Variants in COL11A1 observed in about 807,000 individuals in gnomAD.
The protein encoded by COL11A1 is collagen type XI alpha 1 chain.
Under a neutral mutation model 265.2 loss-of-function variants are expected in COL11A1, and 74 were observed. The ratio of observed to expected loss-of-function variants is 0.28; its 90% CI spans 0.23 to 0.34. The LOEUF (loss-of-function observed/expected upper bound fraction) is 0.34. Among genes scored for constraint, COL11A1 ranks in the 10% least tolerant of loss-of-function variants. COL11A1 has a pLI of 1.00. For missense variants in COL11A1, 2,165 were observed against 2,263.6 expected (o/e 0.96, Z 0.88); for synonymous variants, 816 against 727.6 (o/e 1.12, Z -1.96).
intron 1 of COL11A1, among the ~76,000 whole-genome samples, chr1:103,083,207 C>T (rs569984314): frequency 6.7e-6 from 1 of 148,466 alleles, no homozygotes; most frequent in South Asian, 2.1e-4. Flanking sequence ...TATGGTTAAG[C>T]AACACAGAAG....
chr1:102,918,936 G>T (rs554025970), intron 49 of COL11A1, among the ~76,000 whole-genome samples: 2 of 152,094 alleles, frequency 1.3e-5, no homozygotes, highest in East Asian at 1.9e-4. Flanking sequence ...AAGATAAGCC[G>T]ATAAAAGCTA....
chr1:103,047,813 G>A (rs566488734), intron 4 of COL11A1, among the ~76,000 whole-genome samples: 1 of 152,108 alleles, frequency 6.6e-6, no homozygotes, highest in African/African-American at 2.4e-5. Context: ...TTAGCATGAA[G>A]GGTTGTTGAA....
chr1:103,011,014 TA>T (rs1473672209), intron 14 of COL11A1, among the ~76,000 whole-genome samples: 1 of 152,050 alleles, frequency 6.6e-6, no homozygotes, highest in Non-Finnish European at 1.5e-5. Context: ...ATTTGTAAAT[TA>T]AATCAAATAT....
rs2100839743 is a variant in COL11A1, at chr1:102,886,859, A to G, written c.4806T>C (p.Asn1602=). ...HMKFPMGTQT[N]PARTCKDLQL... ...GCAGGTCTTTACAAGTTCGGGCTGGATTGGTCTGAGTACCCATTGGAAATT... is the reference window on the plus strand; with the variant it reads ...GCAGGTCTTTACAAGTTCGGGCTGGGTTGGTCTGAGTACCCATTGGAAATT... Residue 1602 remains asparagine, a synonymous_variant, in exon 63 of 67, where the codon AAT becomes AAC. Coordinates refer to ENST00000370096, the MANE Select transcript of COL11A1 (RefSeq NM_001854.4). The G allele has an allele frequency of 1.2e-6, 2 of 1,613,928 alleles. No homozygotes were observed. The highest frequency in any genetic ancestry group is 4.5e-5 in the East Asian group (2 of 44,866).
chr1:102,938,371 C>CTTA (rs1364735987), intron 44 of COL11A1, among the ~76,000 whole-genome samples: 1 of 122,802 alleles, frequency 8.1e-6, no homozygotes, highest in African/African-American at 2.9e-5. Flanking sequence ...AATACATGAA[C>CTTA]ACTTAAAGGG....
chr1:102,991,065 T>C (rs1664081215), intron 28 of COL11A1, among the ~76,000 whole-genome samples: 2 of 151,588 alleles, frequency 1.3e-5, no homozygotes, highest in African/African-American at 2.4e-5. Context: ...AACAAACAAC[T>C]GAAAGTGGGA....
intron 4 of COL11A1, among the ~76,000 whole-genome samples, chr1:103,041,453 C>T (rs1337176): frequency 0.034 from 5,115 of 151,372 alleles, 114 homozygotes; most frequent in Middle Eastern, 0.092. Context: ...TTGGTAATTG[C>T]ATTTCTATAT....
At chr1:103,009,278 G>T (rs1477593170) in intron 14 of COL11A1, among the ~76,000 whole-genome samples, 1 of 152,242 alleles carries the variant, frequency 6.6e-6, no homozygotes, top group Admixed American at 6.5e-5. Context: ...GCTGGGCATG[G>T]CATCGGGTGC....
chr1:103,107,927 G>C lies in COL11A1; in HGVS notation c.106+146C>G, dbSNP rs895358300. On this transcript the variant is annotated intron_variant, in intron 1 of 66. Coordinates refer to ENST00000370096, the MANE Select transcript of COL11A1 (RefSeq NM_001854.4). ...TCCAGTTTCCAATTCCAACCTGGTA[G>C]CAGCTACAATCTGGATTGTATTTAA... is the stretch of plus-strand genomic sequence containing the variant. The C allele has an allele frequency of 1.2e-5, 8 of 691,964 alleles. No homozygotes were observed. In the African/African-American group the frequency reaches 1.3e-4, roughly 11 times the overall value. 42.9% of individuals were successfully genotyped at this position (691,964 alleles called of 1,614,324 possible).
At position 102,989,464 on chromosome 1, in the gene COL11A1, AAT is replaced by A. The variant is rs60319369; in HGVS notation, c.2394+52_2394+53del. Reference sequence around the variant, plus strand: ...ATATTTAAAGATAAGCAAAGGAAAAAATATATATATATATTAAATTTTGTGTA... The same window carrying A: ...ATATTTAAAGATAAGCAAAGGAAAAAATATATATATATTAAATTTTGTGTA... On this transcript the variant is annotated intron_variant, in intron 29 of 66. Coordinates refer to ENST00000370096, the MANE Select transcript of COL11A1 (RefSeq NM_001854.4). The A allele has an allele frequency of 1.1e-3, 1,167 of 1,065,746 alleles. 1 individual carries two copies. Among genetic ancestry groups the A allele is most frequent in the African/African-American group, 5.0e-3 (308 of 61,098 alleles). The allele number at this position is 1,065,746 out of a possible 1,614,324, so 66.0% of individuals were successfully genotyped here.
chr1:103,006,577 G>A (rs898199359), intron 15 of COL11A1, among the ~76,000 whole-genome samples: 2 of 111,714 alleles, frequency 1.8e-5, no homozygotes, highest in Non-Finnish European at 1.7e-5. Context: ...TAGCTCTGTC[G>A]CCTAGGCTGG....
chr1:102,923,486 T>C (rs933891868), intron 46 of COL11A1, 97 bp from the exon 47 acceptor site: 20 of 899,644 alleles, frequency 2.2e-5, no homozygotes, highest in Middle Eastern at 5.7e-4. Context: ...TAAAGTTCAA[T>C]AAGTACATGG....
intron 14 of COL11A1, among the ~76,000 whole-genome samples, chr1:103,009,430 A>G (rs964029694): frequency 7.9e-5 from 12 of 152,126 alleles, no homozygotes; most frequent in Non-Finnish European, 1.2e-4. Context: ...ATAAATAAAT[A>G]AAAATAACTA....
intron 4 of COL11A1, among the ~76,000 whole-genome samples, chr1:103,048,701 T>A (rs1428607706): frequency 6.6e-6 from 1 of 152,214 alleles, no homozygotes; most frequent in African/African-American, 2.4e-5. Context: ...AGGGTGTCAA[T>A]TTTGGATCTT....
chr1:102,940,482 G>A lies in COL11A1; in HGVS notation c.3277-48C>T, dbSNP rs758453794. 6.0e-6 allele frequency: 8 copies of A among 1,325,154 alleles called. No homozygotes were observed. The East Asian group carries it at 1.9e-4, about 31-fold the overall frequency. 82.1% of individuals were successfully genotyped at this position (1,325,154 alleles called of 1,614,324 possible). A position where few individuals can be genotyped will look rare whatever the true frequency, so the allele number is the denominator to read the frequency against. On this transcript the variant is annotated intron_variant, in intron 42 of 66. Transcript: ENST00000370096. ...ATTAATTTTACAGTTTTGAAGTGCA[G>A]CTACAAGAGTAATAATCTAGCTTCT...
At chr1:102,894,155 AT>A in intron 57 of COL11A1, among the ~76,000 whole-genome samples, 1 of 152,298 alleles carries the variant, frequency 6.6e-6, no homozygotes, top group African/African-American at 2.4e-5. Context: ...AATCAAATAC[AT>A]TTTAGTTTTA....
At chr1:103,082,725 T>C in intron 2 of COL11A1, 80 bp downstream of exon 2, 1 of 1,213,546 alleles carries the variant, frequency 8.2e-7, no homozygotes, top group Non-Finnish European at 1.2e-6. Flanking sequence ...AGTAAAGAAA[T>C]ACTAAAAGTA....
intron 5 of COL11A1, among the ~76,000 whole-genome samples, chr1:103,028,983 T>C (rs1489518851): frequency 6.6e-6 from 1 of 152,082 alleles, no homozygotes; most frequent in Non-Finnish European, 1.5e-5. Flanking sequence ...TAAATGGCAC[T>C]GTGTAGGTTC....
In COL11A1 at chr1:103,082,885, T is replaced by C. The variant is rs200396868; in HGVS notation, c.194A>G (p.Lys65Arg). 47 of 1,613,790 alleles carry C rather than the reference T, an allele frequency of 2.9e-5. No homozygotes were observed. Among genetic ancestry groups the C allele is most frequent in the Non-Finnish European group, 6.8e-6 (8 of 1,179,780 alleles). The change falls in exon 2 of 67, where the codon AAG (lysine) becomes AGG (arginine). Residue 65 changes from lysine (K) to arginine (R), a missense_variant. Transcript: ENST00000370096. ...AGCAGTATCTGAGCCTTTAGAATTC[T>C]TTCTGTTTGTGCAAAATCCCGTTGT... ...SKTTGFCTNR[K>R]NSKGSDTAYR...
Sources: gnomAD v4.1 joint callset for allele counts (sites outside exome capture counted in the v4.1 genomes callset) on GRCh38, gnomAD v4.1.1 for gene constraint, MANE v1.5 for transcripts, NCBI Gene and HGNC (gene_info 2026-07-23, HGNC 2026-07-21) for gene names.